Variants in STAP1 observed in about 807,000 individuals in gnomAD.
The protein encoded by STAP1 is signal-transducing adaptor protein 1.
Under a neutral mutation model 37.8 loss-of-function variants are expected in STAP1, and 30 were observed. That is an observed-to-expected ratio of 0.79 (90% CI 0.59 to 1.08). The LOEUF (loss-of-function observed/expected upper bound fraction) is 1.08. STAP1 is among the 50% of genes least tolerant of loss of function. STAP1 has a pLI of 0.00. For synonymous variants in STAP1, 130 were observed against 116.0 expected (o/e 1.12, Z -0.78); for missense variants, 357 against 349.4 (o/e 1.02, Z -0.17).
At chr4:67,591,581 T>C (rs1033003354) in intron 7 of STAP1, among the ~76,000 whole-genome samples, 2 of 152,180 alleles carry the variant, frequency 1.3e-5, no homozygotes, top group African/African-American at 4.8e-5. Flanking sequence ...AAAGAGAATA[T>C]AGCTCTGTGA....
intron 1 of STAP1, among the ~76,000 whole-genome samples, chr4:67,563,242 T>C (rs1727391375): frequency 6.6e-6 from 1 of 152,246 alleles, no homozygotes; most frequent in Non-Finnish European, 1.5e-5. Context: ...GAATAATTAC[T>C]CTCTTGCATA....
chr4:67,593,211 A>G (rs1043171637), intron 7 of STAP1, 49 bp from the exon 8 acceptor site: 3 of 1,356,446 alleles, frequency 2.2e-6, no homozygotes, highest in Non-Finnish European at 2.1e-6. Context: ...CTCTTACTCT[A>G]TACTTATGCA....
intron 1 of STAP1, among the ~76,000 whole-genome samples, chr4:67,564,045 G>T (rs558128694): frequency 1.3e-5 from 2 of 151,492 alleles, no homozygotes; most frequent in South Asian, 4.2e-4. Context: ...GTACCTAGAT[G>T]TTGTTTATTG....
At chr4:67,601,564 TTTTG>T (rs1728342034) in intron 8 of STAP1, among the ~76,000 whole-genome samples, 1 of 152,162 alleles carries the variant, frequency 6.6e-6, no homozygotes, top group South Asian at 2.1e-4. Flanking sequence ...ATCCCCCAGC[TTTTG>T]TTTGTTTAGG....
chr4:67,565,756 C>T (rs1388061792), intron 1 of STAP1, among the ~76,000 whole-genome samples: 1 of 151,728 alleles, frequency 6.6e-6, no homozygotes, highest in Non-Finnish European at 1.5e-5. Flanking sequence ...TTTTTGGTTC[C>T]TTAAAGTAAA....
Position 67,593,375 on chromosome 4 carries a change from T to G in STAP1, c.826+19T>G. The G allele has an allele frequency of 6.4e-7, 1 of 1,561,698 alleles. No individual in the cohort carries two copies. Among genetic ancestry groups the G allele is most frequent in the Non-Finnish European group, 8.8e-7 (1 of 1,137,642 alleles). ...AACACTGGTATGTTTTTCACTTCAT[T>G]GCTATGTTAAGGGAAACAAAACAAA... is the stretch of plus-strand genomic sequence containing the variant. On this transcript the variant is annotated intron_variant, in intron 8 of 8. Coordinates refer to ENST00000265404, the MANE Select transcript of STAP1 (RefSeq NM_012108.4).
chr4:67,572,671 A>T (rs1012470660), intron 2 of STAP1, among the ~76,000 whole-genome samples: 1 of 152,218 alleles, frequency 6.6e-6, no homozygotes, highest in African/African-American at 2.4e-5. Context: ...TAAAAATAGT[A>T]GTCCATTTTA....
chr4:67,560,673 T>TGTGTGTGTGA (rs961122177), intron 1 of STAP1, among the ~76,000 whole-genome samples: 2 of 151,980 alleles, frequency 1.3e-5, no homozygotes, highest in Non-Finnish European at 2.9e-5. Context: ...TGTGTGTGTG[T>TGTGTGTGTGA]GACAGTGTCT....
chr4:67,586,278 G>A (rs1257322964), intron 6 of STAP1, among the ~76,000 whole-genome samples: 1 of 152,162 alleles, frequency 6.6e-6, no homozygotes, highest in Non-Finnish European at 1.5e-5. Context: ...CCAACATGGT[G>A]AAACCCTATC....
Position 67,606,458 on chromosome 4 carries a change from T to C in STAP1, c.*101T>C. ...TTACCTATATTCTCCTGATACTGAT[T>C]ACCAAGTCATTCACCTGAACACCAG... On this transcript the variant is annotated 3_prime_UTR_variant, in exon 9 of 9. Transcript: ENST00000265404. 1 of 928,246 alleles carries C rather than the reference T, an allele frequency of 1.1e-6. No homozygotes were observed. 57.5% of individuals were successfully genotyped at this position (928,246 alleles called of 1,614,324 possible). A position where few individuals can be genotyped will look rare whatever the true frequency, so the allele number is the denominator to read the frequency against.
chr4:67,590,889 C>A lies in STAP1; in HGVS notation c.665C>A (p.Pro222Gln). 6.2e-7 allele frequency: 1 copy of A among 1,608,134 alleles called. No individual in the cohort carries two copies. Among genetic ancestry groups the A allele is most frequent in the Non-Finnish European group, 8.5e-7 (1 of 1,177,350 alleles). Residue 222 changes from proline to glutamine, a missense_variant, in exon 7 of 9, where the codon CCA becomes CAA. By Grantham distance (76) the Pro-to-Gln change is moderately conservative. Coordinates refer to ENST00000265404, the MANE Select transcript of STAP1 (RefSeq NM_012108.4). ...SITIRQEIDIPRIKHYKVMSV... is the reference protein window; with the variant it reads ...SITIRQEIDIQRIKHYKVMSV... ...AACCATTTGTTTCATTGTAGCATTC[C>A]AAGAATCAAGCACTACAAAGTGATG...
At position 67,582,990 on chromosome 4, in the gene STAP1, C is replaced by T. The variant is rs537784303; in HGVS notation, c.531-584C>T. ...CATTTTCAGCTTACGATATTTTCAA[C>T]TTACAGTGGGTTTATCGGGATATAA... is the stretch of plus-strand genomic sequence containing the variant. On this transcript the variant is annotated intron_variant, in intron 5 of 8. Coordinates refer to ENST00000265404, the MANE Select transcript of STAP1 (RefSeq NM_012108.4). Among the ~76,000 whole-genome samples, 5 of 152,328 alleles carry T rather than the reference C, an allele frequency of 3.3e-5. No homozygotes were observed. The South Asian group carries it at 8.3e-4, about 25-fold the overall frequency.
rs1303404041 is a variant in STAP1, at chr4:67,606,592, A to G, written c.*235A>G. ...GTGGTGGTAACCTGCAGATATACAC[A>G]TTCCCATGCACTGACATAAGTTGAA... On this transcript the variant is annotated 3_prime_UTR_variant, in exon 9 of 9. Transcript: ENST00000265404. The G allele has an allele frequency of 1.2e-5, 5 of 406,644 alleles. No homozygotes were observed. Among genetic ancestry groups the G allele is most frequent in the African/African-American group, 6.2e-5 (3 of 48,208 alleles). 25.2% of individuals were successfully genotyped at this position (406,644 alleles called of 1,614,324 possible).
chr4:67,564,438 T>A (rs910634075), intron 1 of STAP1, among the ~76,000 whole-genome samples: 9 of 152,188 alleles, frequency 5.9e-5, no homozygotes, highest in African/African-American at 1.9e-4. Flanking sequence ...GAGGTCTGCA[T>A]GTACATACAG....
intron 1 of STAP1, among the ~76,000 whole-genome samples, chr4:67,564,323 G>A (rs1409592074): frequency 2.6e-5 from 4 of 151,870 alleles, no homozygotes; most frequent in Admixed American, 6.6e-5. Flanking sequence ...AAGTATATAC[G>A]TTTGCTTACC....
chr4:67,606,276 T>C lies in STAP1; in HGVS notation c.827-20T>C. On this transcript the variant is annotated intron_variant, in intron 8 of 8. Transcript: ENST00000265404. Reference sequence around the variant, plus strand: ...ACAATATTGGTTCGCTAATTAAGTTTTTCTACCCACAATTTCTAGGTCAAG... The same window carrying C: ...ACAATATTGGTTCGCTAATTAAGTTCTTCTACCCACAATTTCTAGGTCAAG... The C allele has an allele frequency of 6.3e-7, 1 of 1,597,314 alleles. No individual in the cohort carries two copies. The highest frequency in any genetic ancestry group is 8.5e-7 in the Non-Finnish European group (1 of 1,175,040).
In STAP1 at chr4:67,575,450, C is replaced by T. The variant is rs770671663; in HGVS notation, c.258C>T (p.Asn86=). Residue 86 remains asparagine, a synonymous_variant, in exon 3 of 9, where the codon AAC becomes AAT. Coordinates refer to ENST00000265404, the MANE Select transcript of STAP1 (RefSeq NM_012108.4). ...CLTEQNSTEK[N]CAKFTLVLPK... is the part of the protein sequence containing the mutation. ...CTGAGCAGAATTCAACTGAAAAGAACTGTGCGAAATTCACCCTTGTTTTGC... is the reference window on the plus strand; with the variant it reads ...CTGAGCAGAATTCAACTGAAAAGAATTGTGCGAAATTCACCCTTGTTTTGC... The T allele has an allele frequency of 6.2e-7, 1 of 1,608,400 alleles. No homozygotes were observed. Among genetic ancestry groups the T allele is most frequent in the Non-Finnish European group, 8.5e-7 (1 of 1,178,248 alleles).
intron 8 of STAP1, among the ~76,000 whole-genome samples, chr4:67,603,225 A>G (rs746966598): frequency 2.0e-5 from 3 of 151,990 alleles, no homozygotes; most frequent in Non-Finnish European, 2.9e-5. Flanking sequence ...GGGCTCTTCA[A>G]TCAGTTTGTG....
intron 3 of STAP1, among the ~76,000 whole-genome samples, chr4:67,575,889 C>A (rs974137420): frequency 1.6e-4 from 25 of 152,096 alleles, no homozygotes; most frequent in African/African-American, 6.0e-4. Context: ...ACTGATTGAC[C>A]TTGAAAAGCA....
Sources: gnomAD v4.1 joint callset for allele counts (sites outside exome capture counted in the v4.1 genomes callset) on GRCh38, gnomAD v4.1.1 for gene constraint, MANE v1.5 for transcripts, NCBI Gene and HGNC (gene_info 2026-07-23, HGNC 2026-07-21) for gene names.